The following GARNL3 variants were observed in gnomAD, a reference collection of about 807,000 sequenced individuals.
GARNL3 encodes the protein GTPase-activating Rap/Ran-GAP domain-like protein 3.
A neutral mutation model predicts 125.0 loss-of-function variants in GARNL3; 63 were observed. The ratio of observed to expected loss-of-function variants is 0.50; its 90% CI spans 0.41 to 0.62. The LOEUF is 0.62. GARNL3 is among the 20% of genes least tolerant of loss of function. The probability of loss-of-function intolerance (pLI) is 0.00; values close to 1 mark genes in which losing one functional copy is unlikely to be tolerated. For synonymous variants in GARNL3, 439 were observed against 457.5 expected, an observed-to-expected ratio of 0.96 and a Z score of 0.52; for missense variants, 994 against 1,244.0, an observed-to-expected ratio of 0.80 and a Z score of 3.02.
chr9:127,239,245 A>G (rs1440886981), intron 1 of GARNL3, among the ~76,000 whole-genome samples: 1 of 152,178 alleles, frequency 6.6e-6, no homozygotes, highest in African/African-American at 2.4e-5. Flanking sequence ...AGTGGCTCCT[A>G]AGACATACTT....
chr9:127,338,683 A>C (rs1466926385), intron 12 of GARNL3, among the ~76,000 whole-genome samples: 1 of 152,216 alleles, frequency 6.6e-6, no homozygotes, highest in Non-Finnish European at 1.5e-5. Context: ...ACTGTATCTT[A>C]AAATACCAAG....
intron 13 of GARNL3, among the ~76,000 whole-genome samples, chr9:127,340,099 G>A (rs538320496): frequency 1.8e-3 from 272 of 152,298 alleles, no homozygotes; most frequent in African/African-American, 6.4e-3. Flanking sequence ...TGTAGGTGGG[G>A]GAAAGAGTGG....
chr9:127,325,215 T>C (rs1461154480), intron 7 of GARNL3, 120 bp downstream of exon 7: 1 of 912,478 alleles, frequency 1.1e-6, no homozygotes, highest in Admixed American at 2.4e-5. Flanking sequence ...ATTTGCACAG[T>C]GGGACACATT....
intron 14 of GARNL3, among the ~76,000 whole-genome samples, chr9:127,342,918 A>T (rs1829944786): frequency 8.1e-6 from 1 of 123,622 alleles, no homozygotes. Context: ...TTTTTTGGAG[A>T]CAGAGCTTCT....
intron 2 of GARNL3, chr9:127,300,661 G>T: frequency 3.5e-6 from 1 of 285,858 alleles, no homozygotes; most frequent in Non-Finnish European, 6.7e-6. Flanking sequence ...CACCATGTTG[G>T]CCAGGCTGGT....
chr9:127,345,407 T>A lies in GARNL3; in HGVS notation c.1361T>A (p.Leu454Gln). The A allele has an allele frequency of 6.2e-7, 1 of 1,603,688 alleles. No individual in the cohort carries two copies. Among genetic ancestry groups the A allele is most frequent in the Non-Finnish European group, 8.5e-7 (1 of 1,174,390 alleles). ...TAGAGATCTCTGTTCTGTAAGGCAC[T>A]AAAACTGAAATCCATTGTGAGAGGG... Reference protein sequence around the residue: ...QAEFVRIGQALKLKSIVRGDA... With the variant: ...QAEFVRIGQAQKLKSIVRGDA... The change falls in exon 16 of 28, where the codon CTA becomes CAA. Residue 454 changes from leucine (L) to glutamine (Q), a missense_variant. Around this residue, in one of 5 missense-constraint regions of GARNL3, gnomAD observed 728 missense variants for 865.7 expected, o/e 0.84. Transcript: ENST00000373387.
intron 1 of GARNL3, chr9:127,225,408 T>G (rs1327780874): frequency 1.0e-6 from 1 of 977,374 alleles, no homozygotes; most frequent in African/African-American, 1.8e-5. Flanking sequence ...CCCAAGGTAC[T>G]GCGGACGGGG....
intron 26 of GARNL3, 37 bp from the exon 27 acceptor site, chr9:127,390,604 G>A (rs371739500): frequency 6.2e-7 from 1 of 1,608,086 alleles, no homozygotes; most frequent in African/African-American, 1.3e-5. Context: ...TGGCAGCCCT[G>A]TGGTAGTGAC....
At chr9:127,299,011 A>G (rs920777561) in intron 2 of GARNL3, among the ~76,000 whole-genome samples, 1 of 152,072 alleles carries the variant, frequency 6.6e-6, no homozygotes, top group African/African-American at 2.4e-5. Context: ...TTCCAAAAAT[A>G]AAAAGAGAGA....
At chr9:127,323,663 G>A (rs188381848) in intron 6 of GARNL3, among the ~76,000 whole-genome samples, 3 of 152,170 alleles carry the variant, frequency 2.0e-5, no homozygotes, top group Non-Finnish European at 4.4e-5. Context: ...AGGACTGGGC[G>A]TGAGATTCAG....
At chr9:127,225,397 G>T (rs2062888921) in intron 1 of GARNL3, 1 of 984,008 alleles carries the variant, frequency 1.0e-6, no homozygotes, top group Non-Finnish European at 1.2e-6. Context: ...AGCTTCGAGA[G>T]CCCAAGGTAC....
intron 4 of GARNL3, among the ~76,000 whole-genome samples, chr9:127,316,707 C>T (rs1370175003): frequency 6.6e-6 from 1 of 152,208 alleles, no homozygotes; most frequent in African/African-American, 2.4e-5. Flanking sequence ...CTCTCTAGTG[C>T]AACTTCTCAT....
chr9:127,347,343 G>C (rs1013818247), intron 16 of GARNL3, among the ~76,000 whole-genome samples: 9 of 152,034 alleles, frequency 5.9e-5, no homozygotes, highest in African/African-American at 2.2e-4. Flanking sequence ...GATCACTTGA[G>C]CCCAGGAGGT....
chr9:127,346,629 T>C lies in GARNL3; in HGVS notation c.1431+1152T>C, dbSNP rs77628104. Among the ~76,000 whole-genome samples the C allele has an allele frequency of 3.7e-3, 557 of 152,320 alleles. 10 individuals carry two copies. The East Asian group carries it at 0.07, about 19-fold the overall frequency. ...CAGAAGTCTGTGGAACCATAACTTGTTCACCAGGTAATAACAGAGCGAGCG... is the reference window on the plus strand; with the variant it reads ...CAGAAGTCTGTGGAACCATAACTTGCTCACCAGGTAATAACAGAGCGAGCG... On this transcript the variant is annotated intron_variant, in intron 16 of 27. Coordinates refer to ENST00000373387, the MANE Select transcript of GARNL3 (RefSeq NM_032293.5).
At chr9:127,325,189 C>T (rs1479772252) in intron 7 of GARNL3, 94 bp downstream of exon 7, 10 of 1,215,468 alleles carry the variant, frequency 8.2e-6, no homozygotes. Context: ...TTGCTTTCAG[C>T]CAAATCTCCA....
At chr9:127,248,756 C>A (rs192541121) in intron 2 of GARNL3, among the ~76,000 whole-genome samples, 1 of 151,534 alleles carries the variant, frequency 6.6e-6, no homozygotes, top group East Asian at 1.9e-4. Flanking sequence ...CACAGGTGTG[C>A]GCCACCATGC....
chr9:127,326,578 A>G (rs1188741829), intron 7 of GARNL3, among the ~76,000 whole-genome samples: 1 of 152,214 alleles, frequency 6.6e-6, no homozygotes, highest in Non-Finnish European at 1.5e-5. Flanking sequence ...ATAACTACTA[A>G]TATATAATAC....
chr9:127,234,197 G>GA (rs2063070606), intron 1 of GARNL3, among the ~76,000 whole-genome samples: 1 of 152,114 alleles, frequency 6.6e-6, no homozygotes, highest in Non-Finnish European at 1.5e-5. Context: ...TAAGAGCAGA[G>GA]AAAAAACAAC....
intron 1 of GARNL3, among the ~76,000 whole-genome samples, chr9:127,277,693 C>T (rs867501082): frequency 4.6e-5 from 7 of 151,982 alleles, no homozygotes; most frequent in Non-Finnish European, 1.5e-5. Context: ...AGCAAACGGA[C>T]CTTTACCCAC....
Sources: allele counts gnomAD v4.1 joint callset (sites outside exome capture counted in the v4.1 genomes callset), GRCh38; gene constraint gnomAD v4.1.1; regional missense constraint gnomAD v4.1.1; transcripts MANE v1.5; gene names NCBI Gene and HGNC (gene_info 2026-07-23, HGNC 2026-07-21).